Variants in SH2B2 observed in about 807,000 individuals in gnomAD.
The protein encoded by SH2B2 is SH2B adapter protein 2.
Under a neutral mutation model 35.7 loss-of-function variants are expected in SH2B2, and 37 were observed. The observed-to-expected ratio is 1.04, with a 90% CI of 0.80 to 1.36. The LOEUF (loss-of-function observed/expected upper bound fraction) is 1.36. Among genes scored for constraint, SH2B2 ranks in the 40% most tolerant of loss-of-function variants. The pLI is 0.00. For missense variants in SH2B2, 852 were observed against 817.7 expected (o/e 1.04, Z -0.51); for synonymous variants, 383 against 376.4 (o/e 1.02, Z -0.20).
At chr7:102,319,000 C>CCTGCCTCTCACCTCTCTACCCAGCTG (rs1554557695) in intron 7 of SH2B2, among the ~76,000 whole-genome samples, 4 of 152,140 alleles carry the variant, frequency 2.6e-5, no homozygotes, top group African/African-American at 7.2e-5. Context: ...CAGCCTTGAA[C>CCTGCCTCTCACCTCTCTACCCAGCTG]CTGCCTCTCA....
intron 8 of SH2B2, 96 bp downstream of exon 8, chr7:102,320,598 T>A: frequency 6.9e-7 from 1 of 1,446,150 alleles, no homozygotes; most frequent in South Asian, 1.3e-5. Flanking sequence ...GCCCCAGGTC[T>A]CCTGTCCCAT....
chr7:102,305,893 C>CT (rs1292537190), intron 2 of SH2B2, among the ~76,000 whole-genome samples: 2,195 of 107,242 alleles, frequency 0.02, 28 homozygotes, highest in East Asian at 0.027. Flanking sequence ...TTTTTTTTTT[C>CT]TTTTTTTTTT....
chr7:102,321,042 C>T (rs1316355526), intron 8 of SH2B2, among the ~76,000 whole-genome samples: 1 of 152,112 alleles, frequency 6.6e-6, no homozygotes, highest in Non-Finnish European at 1.5e-5. Context: ...TGTGTGCGAG[C>T]GTGTGCATTA....
intron 1 of SH2B2, among the ~76,000 whole-genome samples, chr7:102,295,349 A>G (rs2132925362): frequency 6.6e-6 from 1 of 152,292 alleles, no homozygotes; most frequent in Admixed American, 6.5e-5. Context: ...GCACTAGCCT[A>G]CTGGATAAAT....
chr7:102,300,230 A>G (rs1793088449), intron 1 of SH2B2, among the ~76,000 whole-genome samples: 1 of 152,206 alleles, frequency 6.6e-6, no homozygotes, highest in African/African-American at 2.4e-5. Context: ...GGGTTTCACC[A>G]TGTTGACCAG....
chr7:102,305,878 T>A (rs1554554721), intron 2 of SH2B2, among the ~76,000 whole-genome samples: 1 of 143,508 alleles, frequency 7.0e-6, no homozygotes, highest in African/African-American at 2.6e-5. Context: ...TAGGAGGAGG[T>A]CCTTTTTTTT....
chr7:102,300,589 G>A lies in SH2B2; in HGVS notation c.39G>A (p.Pro13=), dbSNP rs898705638. The A allele has an allele frequency of 1.3e-6, 2 of 1,549,796 alleles. No individual in the cohort carries two copies. The highest frequency in any genetic ancestry group is 2.4e-5 in the South Asian group (2 of 83,864). Reference sequence around the variant, plus strand: ...GCCCTGGCCCCGCCGCAGCCGCCCCGGTCCCAGTCCCGGTCCCGGTCCCGG... The same window carrying A: ...GCCCTGGCCCCGCCGCAGCCGCCCCAGTCCCAGTCCCGGTCCCGGTCCCGG... The part of the protein sequence containing the change: ...GAGPGPAAAA[P]VPVPVPVPDW... The change falls in exon 2 of 9, where the codon CCG becomes CCA. Residue 13 remains proline, a synonymous_variant. Coordinates refer to ENST00000444095, the MANE Select transcript of SH2B2 (RefSeq NM_001359228.2).
chr7:102,309,073 C>G (rs1378166754), intron 4 of SH2B2, 167 bp downstream of exon 4: 9 of 715,276 alleles, frequency 1.3e-5, no homozygotes, highest in South Asian at 2.9e-5. Context: ...TAAAATACCC[C>G]CTACCTCCAA....
chr7:102,300,439 G>A (rs1480365549), intron 1 of SH2B2, 83 bp from the exon 2 acceptor site: 1 of 1,429,120 alleles, frequency 7.0e-7, no homozygotes, highest in African/African-American at 1.4e-5. Flanking sequence ...GCCCCAGAGA[G>A]TCCTAGGGGA....
In SH2B2 at chr7:102,297,107, T is replaced by A. The variant is rs1792948213; in HGVS notation, c.-29-3415T>A. 6.6e-6 allele frequency among the ~76,000 whole-genome samples: 1 copy of A among 152,126 alleles called. No individual in the cohort carries two copies. Among genetic ancestry groups the A allele is most frequent in the Admixed American group, 6.5e-5 (1 of 15,270 alleles). On this transcript the variant is annotated intron_variant, in intron 1 of 8. Transcript: ENST00000444095. The surrounding 1 kb of genome is among the most constrained non-coding windows in gnomAD (Gnocchi z 4.3). ...AAAATCCCAGAAGTAAACATACAAATACAAATGTAAATTGCAGGCCAGTCT... is the reference window on the plus strand; with the variant it reads ...AAAATCCCAGAAGTAAACATACAAAAACAAATGTAAATTGCAGGCCAGTCT...
intron 4 of SH2B2, 42 bp from the exon 5 acceptor site, chr7:102,314,294 A>G (rs1177931770): frequency 1.3e-5 from 5 of 398,568 alleles, no homozygotes; most frequent in East Asian, 3.6e-5. Context: ...TCCGAGTCCA[A>G]GTCCCACGGC....
chr7:102,305,142 C>T (rs1181802701), intron 2 of SH2B2, among the ~76,000 whole-genome samples: 2 of 152,216 alleles, frequency 1.3e-5, no homozygotes, highest in Non-Finnish European at 2.9e-5. Flanking sequence ...AACAGTGAGC[C>T]CCGTTCTGAG....
Position 102,317,333 on chromosome 7 carries a change from C to A in SH2B2, c.1333C>A (p.Arg445Ser). 1 of 1,611,866 alleles carries A rather than the reference C, an allele frequency of 6.2e-7. No individual in the cohort carries two copies. The highest frequency in any genetic ancestry group is 8.5e-7 in the Non-Finnish European group (1 of 1,178,230). ...CCGGAACCACGGCCTCTTCGTGATCCGCCAAAGTGAGACTCGGCCTGGGGA... is the reference window on the plus strand; with the variant it reads ...CCGGAACCACGGCCTCTTCGTGATCAGCCAAAGTGAGACTCGGCCTGGGGA... ...GPRNHGLFVI[R>S]QSETRPGEYV... The change falls in exon 7 of 9, where the codon CGC (arginine) becomes AGC (serine). Residue 445 changes from arginine (R) to serine (S), a missense_variant. Transcript: ENST00000444095.
At chr7:102,317,697 C>A (rs1274596634) in intron 7 of SH2B2, among the ~76,000 whole-genome samples, 3 of 152,184 alleles carry the variant, frequency 2.0e-5, no homozygotes, top group African/African-American at 7.2e-5. Flanking sequence ...ATTTGCAAAT[C>A]CTTTCAGCTC....
intron 7 of SH2B2, 27 bp from the exon 8 acceptor site, chr7:102,320,304 C>T: frequency 6.3e-7 from 1 of 1,595,414 alleles, no homozygotes; most frequent in Non-Finnish European, 8.5e-7. Context: ...CGGACCTGCC[C>T]CTGACCACAC....
In SH2B2 at chr7:102,301,246, A is replaced by C; in HGVS notation, c.696A>C (p.Glu232Asp). The C allele has an allele frequency of 6.2e-7, 1 of 1,604,650 alleles. No homozygotes were observed. The highest frequency in any genetic ancestry group is 8.5e-7 in the Non-Finnish European group (1 of 1,176,250). The change falls in exon 2 of 9, where the codon GAA (glutamate) becomes GAC (aspartate). Residue 232 changes from glutamate to aspartate, a missense_variant. By Grantham distance (45) the Glu-to-Asp change is conservative. This residue lies in a region of SH2B2 where 556 missense variants were observed against 514.5 expected (regional missense o/e 1.08). Coordinates refer to ENST00000444095, the MANE Select transcript of SH2B2 (RefSeq NM_001359228.2). Reference sequence around the variant, plus strand: ...TCCTGCGCAGGGCTGTGGCCGAGGAACGCTTCCGCCTGGAGTTCTTCGTGC... The same window carrying C: ...TCCTGCGCAGGGCTGTGGCCGAGGACCGCTTCCGCCTGGAGTTCTTCGTGC... ...RLLLRRAVAEERFRLEFFVPP... is the reference protein window; with the variant it reads ...RLLLRRAVAEDRFRLEFFVPP...
intron 1 of SH2B2, among the ~76,000 whole-genome samples, chr7:102,296,667 G>A (rs1792931761): frequency 6.6e-6 from 1 of 152,262 alleles, no homozygotes; most frequent in South Asian, 2.1e-4. Context: ...AAGCTGGGGT[G>A]AGGAGACAGC....
In SH2B2 at chr7:102,317,371, C is replaced by T. The variant is rs782388120; in HGVS notation, c.1371C>T (p.Thr457=). The part of the protein sequence containing the change: ...SETRPGEYVL[T]FNFQGKAKHL... ...CTCGGCCTGGGGAGTACGTGCTGAC[C>T]TTCAACTTCCAGGGCAAGGCCAAGG... Residue 457 remains threonine, a synonymous_variant, in exon 7 of 9, where the codon ACC becomes ACT. Transcript: ENST00000444095. 18 of 1,589,868 alleles carry T rather than the reference C, an allele frequency of 1.1e-5. No homozygotes were observed. The highest frequency in any genetic ancestry group is 1.5e-5 in the Non-Finnish European group (17 of 1,162,100).
intron 1 of SH2B2, among the ~76,000 whole-genome samples, chr7:102,298,354 T>C (rs1793004406): frequency 6.6e-6 from 1 of 152,178 alleles, no homozygotes; most frequent in Non-Finnish European, 1.5e-5. Context: ...CTCCAAATCC[T>C]GGGCTCAAGC....
Sources: gnomAD v4.1 joint callset for allele counts (sites outside exome capture counted in the v4.1 genomes callset) on GRCh38, gnomAD v4.1.1 for gene constraint, gnomAD v4.1.1 regional missense constraint, Gnocchi (gnomAD v3.1) non-coding constraint, MANE v1.5 for transcripts, NCBI Gene and HGNC (gene_info 2026-07-23, HGNC 2026-07-21) for gene names.